TCF7L2: variants seen among roughly 807,000 people sequenced by gnomAD.
TCF7L2 encodes the protein transcription factor 7-like 2.
Under a neutral mutation model 77.9 loss-of-function variants are expected in TCF7L2, and 23 were observed. The ratio of observed to expected loss-of-function variants is 0.30; its 90% CI spans 0.21 to 0.42. The LOEUF is 0.42. Among genes scored for constraint, TCF7L2 ranks in the 10% least tolerant of loss-of-function variants. The pLI, the probability that TCF7L2 is intolerant of heterozygous loss-of-function variation, is 1.00. For synonymous variants in TCF7L2, 413 were observed against 340.2 expected (o/e 1.21, Z -2.36); for missense variants, 654 against 793.1 (o/e 0.82, Z 2.11).
chr10:113,129,992 G>A, intron 5 of TCF7L2: 1 of 1,276,166 alleles, frequency 7.8e-7, no homozygotes, highest in Non-Finnish European at 1.0e-6. Flanking sequence ...TGCTGGGTGA[G>A]TAGTGGGGTG....
chr10:113,071,111 C>T (rs888521153), intron 5 of TCF7L2, among the ~76,000 whole-genome samples: 8 of 152,176 alleles, frequency 5.3e-5, no homozygotes, highest in African/African-American at 4.8e-5. Context: ...GCTCAGATGT[C>T]GCCCTAGGCT....
chr10:113,154,652 C>T (rs1348790886), intron 11 of TCF7L2, among the ~76,000 whole-genome samples: 1 of 152,128 alleles, frequency 6.6e-6, no homozygotes, highest in Non-Finnish European at 1.5e-5. Flanking sequence ...GAAAGTATTG[C>T]TCGAGGCTTT....
intron 4 of TCF7L2, among the ~76,000 whole-genome samples, chr10:112,988,443 C>G (rs1590058532): frequency 6.6e-6 from 1 of 152,210 alleles, no homozygotes; most frequent in East Asian, 1.9e-4. Flanking sequence ...CTTCCCTTGG[C>G]TCAAGGCGTC....
chr10:113,025,117 G>A (rs2048916764), intron 4 of TCF7L2, among the ~76,000 whole-genome samples: 2 of 151,844 alleles, frequency 1.3e-5, no homozygotes, highest in South Asian at 4.2e-4. Context: ...AAGTACGGTG[G>A]CACAATCACA....
At chr10:113,084,689 G>A (rs1306719451) in intron 5 of TCF7L2, among the ~76,000 whole-genome samples, 1 of 152,044 alleles carries the variant, frequency 6.6e-6, no homozygotes, top group East Asian at 1.9e-4. Context: ...GAGACCAGGA[G>A]TTGGATACCA....
chr10:113,048,010 G>A (rs1413450731), intron 5 of TCF7L2, among the ~76,000 whole-genome samples: 2 of 152,178 alleles, frequency 1.3e-5, no homozygotes, highest in African/African-American at 4.8e-5. Context: ...TGGGATATGC[G>A]AAGTGAATGA....
At chr10:112,988,961 G>GATAC (rs1197679890) in intron 4 of TCF7L2, among the ~76,000 whole-genome samples, 1 of 152,162 alleles carries the variant, frequency 6.6e-6, no homozygotes, top group Non-Finnish European at 1.5e-5. Flanking sequence ...CTTGCCCAGG[G>GATAC]ATACATAGCT....
At chr10:112,957,938 T>C (rs927166083) in intron 3 of TCF7L2, among the ~76,000 whole-genome samples, 2 of 152,186 alleles carry the variant, frequency 1.3e-5, no homozygotes, top group Non-Finnish European at 1.5e-5. Context: ...CCAGGAGAGA[T>C]GATGGCTCTC....
intron 5 of TCF7L2, chr10:113,126,572 T>A (rs939857535): frequency 2.0e-5 from 20 of 984,870 alleles, no homozygotes; most frequent in Admixed American, 6.2e-5. Context: ...CTTTTTTTTT[T>A]AAACGCCCCC....
intron 5 of TCF7L2, chr10:113,125,881 C>T (rs2065508347): frequency 6.6e-6 from 1 of 152,234 alleles, no homozygotes; most frequent in African/African-American, 2.4e-5. Context: ...TTTGACACCT[C>T]TGATGCAGTT....
chr10:112,962,830 C>A (rs755219114), intron 3 of TCF7L2, among the ~76,000 whole-genome samples: 2 of 152,138 alleles, frequency 1.3e-5, no homozygotes, highest in African/African-American at 2.4e-5. Context: ...AACCTCTGAC[C>A]TCAGGTGATC....
chr10:113,150,596 C>CA (rs1356002304), intron 8 of TCF7L2, among the ~76,000 whole-genome samples: 4 of 152,284 alleles, frequency 2.6e-5, no homozygotes, highest in African/African-American at 9.6e-5. Flanking sequence ...CAATATACAA[C>CA]AAAAGATTTC....
chr10:113,109,119 G>GT (rs2062793474), intron 5 of TCF7L2, among the ~76,000 whole-genome samples: 1 of 152,246 alleles, frequency 6.6e-6, no homozygotes, highest in Admixed American at 6.5e-5. Context: ...AGAAAGGAGC[G>GT]TATTTCCAGC....
intron 5 of TCF7L2, among the ~76,000 whole-genome samples, chr10:113,100,324 A>AC (rs1376207816): frequency 1.3e-5 from 2 of 152,306 alleles, no homozygotes; most frequent in East Asian, 3.9e-4. Context: ...CATTCTTTCC[A>AC]CAAGTACAGC....
chr10:112,998,383 G>C (rs1183763985), intron 4 of TCF7L2, among the ~76,000 whole-genome samples: 1 of 152,176 alleles, frequency 6.6e-6, no homozygotes, highest in Non-Finnish European at 1.5e-5. Context: ...AGTTTTATTG[G>C]AGGGTTGCAC....
rs191126159 is a variant in TCF7L2, at chr10:113,075,179, G to A, written c.552+35053G>A. Among the ~76,000 whole-genome samples the A allele has an allele frequency of 2.4e-4, 37 of 152,244 alleles. No individual in the cohort carries two copies. The East Asian group carries it at 5.2e-3, about 22-fold the overall frequency. On this transcript the variant is annotated intron_variant, in intron 5 of 13. Coordinates refer to ENST00000627217, the MANE Select transcript of TCF7L2 (RefSeq NM_001146274.2). ...CCTGAAAAGAATACTTTAAATGGGC[G>A]GGGTAATGGTGGCTTATGCCTGTAA...
At chr10:113,027,595 G>A (rs2049413810) in intron 4 of TCF7L2, among the ~76,000 whole-genome samples, 1 of 152,150 alleles carries the variant, frequency 6.6e-6, no homozygotes, top group Admixed American at 6.5e-5. Flanking sequence ...TGTTTCACAG[G>A]AGACTTTGGA....
At chr10:113,056,467 G>A (rs1191200997) in intron 5 of TCF7L2, among the ~76,000 whole-genome samples, 4 of 152,130 alleles carry the variant, frequency 2.6e-5, no homozygotes, top group Admixed American at 1.3e-4. Context: ...CCAGGAGGGC[G>A]GTTCAAAAGG....
chr10:113,162,193 G>C (rs528023987), intron 13 of TCF7L2, among the ~76,000 whole-genome samples: 5 of 152,288 alleles, frequency 3.3e-5, no homozygotes, highest in African/African-American at 1.2e-4. Flanking sequence ...GCCAATGACT[G>C]GTTAACCACA....
Sources: gnomAD v4.1 joint callset for allele counts (sites outside exome capture counted in the v4.1 genomes callset) on GRCh38, gnomAD v4.1.1 for gene constraint, MANE v1.5 for transcripts, NCBI Gene and HGNC (gene_info 2026-07-23, HGNC 2026-07-21) for gene names.